The following DNAH11 variants were observed in gnomAD, a reference collection of about 807,000 sequenced individuals.
The protein encoded by DNAH11 is dynein axonemal heavy chain 11.
A neutral mutation model predicts 526.0 loss-of-function variants in DNAH11; 442 were observed. The ratio of observed to expected loss-of-function variants is 0.84; its 90% CI spans 0.78 to 0.91. The LOEUF (loss-of-function observed/expected upper bound fraction) is 0.91, where lower values mean the gene tolerates loss of function less well. Among genes scored for constraint, DNAH11 ranks in the 40% least tolerant of loss-of-function variants. DNAH11 has a pLI of 0.00. For missense variants in DNAH11, 6,989 were observed against 5,448.7 expected (o/e 1.28, Z -8.90); for synonymous variants, 2,461 against 1,935.9 (o/e 1.27, Z -7.12).
At chr7:21,701,904 T>A (rs1017386871) in intron 36 of DNAH11, among the ~76,000 whole-genome samples, 16 of 152,042 alleles carry the variant, frequency 1.1e-4, no homozygotes, top group Admixed American at 7.2e-4. Flanking sequence ...AGATGGGTTG[T>A]TACTGTGTGG....
intron 56 of DNAH11, 99 bp downstream of exon 56, chr7:21,774,098 C>G: frequency 1.8e-6 from 2 of 1,104,324 alleles, no homozygotes; most frequent in African/African-American, 1.6e-5. Context: ...CTATAAGATG[C>G]CAGCTGGTGA....
At chr7:21,574,695 C>G (rs1417918248) in intron 8 of DNAH11, among the ~76,000 whole-genome samples, 8 of 151,168 alleles carry the variant, frequency 5.3e-5, no homozygotes, top group Non-Finnish European at 1.2e-4. Context: ...TCCTGAGTAG[C>G]TGGGATTACA....
At chr7:21,581,591 TAGG>T (rs1391248296) in intron 8 of DNAH11, among the ~76,000 whole-genome samples, 1 of 151,932 alleles carries the variant, frequency 6.6e-6, no homozygotes, top group East Asian at 1.9e-4. Flanking sequence ...GAATTGGGAG[TAGG>T]AGGAGAGACT....
chr7:21,695,973 C>T (rs1373018507), intron 35 of DNAH11, among the ~76,000 whole-genome samples: 1 of 152,074 alleles, frequency 6.6e-6, no homozygotes, highest in Non-Finnish European at 1.5e-5. Flanking sequence ...CCAATATTCC[C>T]TTATTATCTG....
intron 43 of DNAH11, among the ~76,000 whole-genome samples, chr7:21,719,533 A>T (rs1473778244): frequency 3.9e-5 from 6 of 152,214 alleles, no homozygotes; most frequent in Non-Finnish European, 8.8e-5. Flanking sequence ...ACAGTGCCTT[A>T]GAACAACATG....
chr7:21,744,817 T>C, intron 50 of DNAH11, 53 bp from the exon 51 acceptor site: 1 of 1,554,240 alleles, frequency 6.4e-7, no homozygotes, highest in South Asian at 1.2e-5. Flanking sequence ...TGCCTGCAGC[T>C]GGACCTCTAT....
chr7:21,849,603 TG>T (rs1433973757), intron 66 of DNAH11, among the ~76,000 whole-genome samples: 5 of 152,356 alleles, frequency 3.3e-5, no homozygotes, highest in Middle Eastern at 3.4e-3. Flanking sequence ...ATTTGTTGAT[TG>T]TTTTTTTCCT....
At chr7:21,886,252 T>C (rs1784119018) in intron 76 of DNAH11, among the ~76,000 whole-genome samples, 2 of 152,166 alleles carry the variant, frequency 1.3e-5, no homozygotes, top group South Asian at 4.1e-4. Context: ...TAATATTTAG[T>C]GTATATTAGA....
In DNAH11 at chr7:21,901,568, C is replaced by CA. The variant is rs879666623; in HGVS notation, c.*326dup. Reference sequence around the variant, plus strand: ...TGGGCAACAGAACAAGACTCCATCTCAAAAAAAAAAAAGTACATCATAAAA... The same window carrying CA: ...TGGGCAACAGAACAAGACTCCATCTCAAAAAAAAAAAAAGTACATCATAAAA... On this transcript the variant is annotated 3_prime_UTR_variant, in exon 82 of 82. Coordinates refer to ENST00000409508, the MANE Select transcript of DNAH11 (RefSeq NM_001277115.2). The CA allele has an allele frequency of 0.013, 1,996 of 158,852 alleles. 7 individuals carry two copies. The highest frequency in any genetic ancestry group is 0.029 in the Middle Eastern group (12 of 408). The allele number at this position is 158,852 out of a possible 1,614,324, so 9.8% of individuals were successfully genotyped here.
At chr7:21,727,155 G>A (rs562648667) in intron 45 of DNAH11, among the ~76,000 whole-genome samples, 13 of 151,564 alleles carry the variant, frequency 8.6e-5, no homozygotes, top group Non-Finnish European at 1.6e-4. Context: ...GGATGATCTC[G>A]ATCTCCTGAC....
At chr7:21,834,624 G>A (rs923956750) in intron 65 of DNAH11, among the ~76,000 whole-genome samples, 18 of 152,152 alleles carry the variant, frequency 1.2e-4, no homozygotes, top group African/African-American at 3.9e-4. Flanking sequence ...CTTGAGGACA[G>A]GAGTTTGAGA....
intron 65 of DNAH11, among the ~76,000 whole-genome samples, chr7:21,823,069 G>A (rs1374048201): frequency 6.9e-6 from 1 of 144,874 alleles, no homozygotes; most frequent in South Asian, 2.2e-4. Flanking sequence ...CCATTCTGTA[G>A]GTTGTCTCTT....
Position 21,744,530 on chromosome 7 carries a change from A to T in DNAH11, c.8247A>T (p.Lys2749Asn), listed in dbSNP as rs367806628. 1 of 1,613,538 alleles carries T rather than the reference A, an allele frequency of 6.2e-7. No individual in the cohort carries two copies. The highest frequency in any genetic ancestry group is 1.3e-5 in the African/African-American group (1 of 74,912). Residue 2749 changes from lysine to asparagine, a missense_variant, in exon 50 of 82, where the codon AAA becomes AAT. Coordinates refer to ENST00000409508, the MANE Select transcript of DNAH11 (RefSeq NM_001277115.2). ...AATCTGCCCGTGTTTATGGAGACAA[A>T]CTGATAGACAAAAAAGATTGTGATT... ...LHESARVYGDKLIDKKDCDLF... is the reference protein window; with the variant it reads ...LHESARVYGDNLIDKKDCDLF...
intron 67 of DNAH11, among the ~76,000 whole-genome samples, 194 bp from the exon 68 acceptor site, chr7:21,854,121 C>G (rs984093000): frequency 2.6e-5 from 4 of 152,130 alleles, no homozygotes; most frequent in Admixed American, 2.6e-4. Context: ...CTCACTGAAA[C>G]TCAGTTTATT....
intron 57 of DNAH11, among the ~76,000 whole-genome samples, chr7:21,781,523 C>T (rs1362006677): frequency 6.6e-6 from 1 of 152,140 alleles, no homozygotes; most frequent in Non-Finnish European, 1.5e-5. Flanking sequence ...CTGTGTTCTC[C>T]CTTGAGTAGA....
chr7:21,737,633 G>T (rs1295118433), intron 46 of DNAH11, among the ~76,000 whole-genome samples: 1 of 152,150 alleles, frequency 6.6e-6, no homozygotes, highest in Non-Finnish European at 1.5e-5. Flanking sequence ...GTGGCAAGTT[G>T]GGAACATATG....
chr7:21,790,184 C>T (rs1047365838), intron 61 of DNAH11, among the ~76,000 whole-genome samples: 6 of 152,076 alleles, frequency 3.9e-5, no homozygotes, highest in South Asian at 2.1e-4. Flanking sequence ...CAGTGGCTCA[C>T]ACCTGTAATC....
At chr7:21,888,528 C>T (rs535867239) in intron 76 of DNAH11, among the ~76,000 whole-genome samples, 65 of 151,872 alleles carry the variant, frequency 4.3e-4, no homozygotes, top group African/African-American at 1.4e-3. Flanking sequence ...CTTGTTCTGT[C>T]GCCCAGGCTG....
intron 62 of DNAH11, among the ~76,000 whole-genome samples, chr7:21,807,069 A>C (rs1562557880): frequency 6.6e-6 from 1 of 152,234 alleles, no homozygotes; most frequent in Non-Finnish European, 1.5e-5. Context: ...TAACTAATTA[A>C]GTAGAGTTGT....
Sources: allele counts gnomAD v4.1 joint callset (sites outside exome capture counted in the v4.1 genomes callset), GRCh38; gene constraint gnomAD v4.1.1; transcripts MANE v1.5; gene names NCBI Gene and HGNC (gene_info 2026-07-23, HGNC 2026-07-21).